DIAPH3: variants seen among roughly 807,000 people sequenced by gnomAD.
The protein encoded by DIAPH3 is diaphanous related formin 3.
In DIAPH3, 117 loss-of-function variants were observed where a neutral mutation model predicts 144.3. The ratio of observed to expected loss-of-function variants is 0.81; its 90% CI spans 0.70 to 0.95. The LOEUF is 0.95. Among genes scored for constraint, DIAPH3 ranks in the 40% least tolerant of loss-of-function variants. The pLI, the probability that DIAPH3 is intolerant of heterozygous loss-of-function variation, is 0.00. For synonymous variants in DIAPH3, 519 were observed against 488.9 expected, an observed-to-expected ratio of 1.06 and a Z score of -0.81; for missense variants, 1,421 against 1,412.7, an observed-to-expected ratio of 1.01 and a Z score of -0.09.
intron 20 of DIAPH3, among the ~76,000 whole-genome samples, chr13:59,905,292 G>A (rs1374583737): frequency 2.3e-5 from 3 of 129,604 alleles, no homozygotes; most frequent in Admixed American, 9.3e-5. Context: ...GCAGTGAGTT[G>A]AGATCGCGCC....
At chr13:59,742,608 AAAG>A (rs1345939570) in intron 27 of DIAPH3, among the ~76,000 whole-genome samples, 2 of 152,112 alleles carry the variant, frequency 1.3e-5, no homozygotes, top group South Asian at 2.1e-4. Context: ...AAAAGAAAGA[AAAG>A]AAGAAAAGAG....
At chr13:59,972,148 T>G (rs565477500) in intron 15 of DIAPH3, among the ~76,000 whole-genome samples, 1 of 152,182 alleles carries the variant, frequency 6.6e-6, no homozygotes, top group South Asian at 2.1e-4. Context: ...GATAAATGCA[T>G]GAAAGACAAG....
In DIAPH3 at chr13:59,879,355, G is replaced by C; in HGVS notation, c.2481C>G (p.Cys827Trp). 6.2e-7 allele frequency: 1 copy of C among 1,613,736 alleles called. No individual in the cohort carries two copies. The highest frequency in any genetic ancestry group is 1.7e-5 in the Admixed American group (1 of 59,964). ...KPDIMAVSTA[C>W]EEIKKSKSFS... ...AGCTTTTGCTCTTCTTTATCTCTTC[G>C]CAGGCAGTACTGACAGCCATGATGT... Residue 827 changes from cysteine (C) to tryptophan (W), a missense_variant, in exon 21 of 28, where the codon TGC (cysteine) becomes TGG (tryptophan). Physicochemically the swap from Cys to Trp is radical, Grantham distance 215. Transcript: ENST00000400324.
Position 59,902,925 on chromosome 13 carries a change from A to G in DIAPH3, c.2367+8810T>C, listed in dbSNP as rs559044682. On this transcript the variant is annotated intron_variant, in intron 20 of 27. Transcript: ENST00000400324. ...AACCAATGTTCTCACTGTGTAATGA[A>G]AGATTTCCAGACAAGATTACCAAAT... Among the ~76,000 whole-genome samples the G allele has an allele frequency of 1.1e-4, 16 of 152,342 alleles. 1 individual carries two copies. The South Asian group carries it at 3.1e-3, about 30-fold the overall frequency.
intron 22 of DIAPH3, among the ~76,000 whole-genome samples, chr13:59,840,968 C>A (rs934002496): frequency 3.4e-5 from 5 of 148,142 alleles, no homozygotes; most frequent in Non-Finnish European, 7.5e-5. Flanking sequence ...TATTCCAATA[C>A]CTTGCTGTGC....
At chr13:60,161,895 G>A (rs1952312582) in intron 1 of DIAPH3, among the ~76,000 whole-genome samples, 1 of 152,106 alleles carries the variant, frequency 6.6e-6, no homozygotes, top group Non-Finnish European at 1.5e-5. Context: ...CAGAAAAGTA[G>A]CAGATTAGAC....
At chr13:59,717,341 A>G (rs1242749034) in intron 27 of DIAPH3, among the ~76,000 whole-genome samples, 1 of 152,194 alleles carries the variant, frequency 6.6e-6, no homozygotes, top group Non-Finnish European at 1.5e-5. Context: ...TCAGGGGCCT[A>G]CTTGACAGTG....
At chr13:59,719,096 A>C (rs35458229) in intron 27 of DIAPH3, among the ~76,000 whole-genome samples, 21 of 152,324 alleles carry the variant, frequency 1.4e-4, no homozygotes, top group East Asian at 3.9e-4. Context: ...TAGCAAAAAA[A>C]CAAAACAAAA....
chr13:59,815,444 C>T (rs1265788130), intron 24 of DIAPH3, among the ~76,000 whole-genome samples: 1 of 152,054 alleles, frequency 6.6e-6, no homozygotes, highest in African/African-American at 2.4e-5. Context: ...CTGTGAACAG[C>T]ATGTGGCTTT....
At chr13:59,712,042 T>C (rs1387700234) in intron 27 of DIAPH3, among the ~76,000 whole-genome samples, 1 of 151,988 alleles carries the variant, frequency 6.6e-6, no homozygotes, top group East Asian at 1.9e-4. Flanking sequence ...AGGTTACAAA[T>C]AGAATAGGAC....
intron 27 of DIAPH3, among the ~76,000 whole-genome samples, chr13:59,729,412 T>G (rs912786412): frequency 3.3e-5 from 5 of 152,086 alleles, no homozygotes; most frequent in Non-Finnish European, 5.9e-5. Context: ...TTAAATAGAT[T>G]AGAAAGATAC....
chr13:59,714,831 A>C (rs934169383), intron 27 of DIAPH3, among the ~76,000 whole-genome samples: 1 of 152,080 alleles, frequency 6.6e-6, no homozygotes, highest in African/African-American at 2.4e-5. Flanking sequence ...GAGAGTGTGC[A>C]ACTTCATTTT....
intron 18 of DIAPH3, among the ~76,000 whole-genome samples, chr13:59,919,141 AAATG>A (rs1455552567): frequency 1.3e-5 from 2 of 152,034 alleles, no homozygotes; most frequent in Non-Finnish European, 2.9e-5. Flanking sequence ...AGAATAAGAA[AAATG>A]AATGAAAAGG....
At chr13:60,133,140 ATC>A in intron 1 of DIAPH3, 151 bp from the exon 2 acceptor site, 1 of 588,542 alleles carries the variant, frequency 1.7e-6, no homozygotes, top group Non-Finnish European at 3.0e-6. Flanking sequence ...AATCGTTTTA[ATC>A]TCTTTCTCAA....
chr13:59,700,859 T>G (rs1277825676), intron 27 of DIAPH3, among the ~76,000 whole-genome samples: 1 of 152,354 alleles, frequency 6.6e-6, no homozygotes, highest in East Asian at 1.9e-4. Flanking sequence ...ATTTTAGTAC[T>G]TCTGGCATTC....
chr13:59,819,940 A>G (rs2040973668), intron 24 of DIAPH3, among the ~76,000 whole-genome samples: 1 of 151,944 alleles, frequency 6.6e-6, no homozygotes, highest in Non-Finnish European at 1.5e-5. Context: ...CTGCAATACA[A>G]GGATATTTTA....
intron 27 of DIAPH3, among the ~76,000 whole-genome samples, chr13:59,745,754 T>G (rs2036670491): frequency 6.6e-6 from 1 of 152,202 alleles, no homozygotes. Flanking sequence ...ACTAGCAAAC[T>G]GATTTAAAAA....
Position 59,812,325 on chromosome 13 carries a change from C to T in DIAPH3, c.3028-1402G>A, listed in dbSNP as rs148659419. 3.1e-3 allele frequency among the ~76,000 whole-genome samples: 473 copies of T among 151,838 alleles called. 4 individuals are homozygous for T. Among genetic ancestry groups the T allele is most frequent in the African/African-American group, 0.011 (455 of 41,382 alleles). ...CCATCTATCCATCGATCCATCCATCCTTCCATCTATCCAATTAATACTTAC... is the reference window on the plus strand; with the variant it reads ...CCATCTATCCATCGATCCATCCATCTTTCCATCTATCCAATTAATACTTAC... On this transcript the variant is annotated intron_variant, in intron 24 of 27. Coordinates refer to ENST00000400324, the MANE Select transcript of DIAPH3 (RefSeq NM_001042517.2).
At chr13:59,736,824 C>T (rs1415764899) in intron 27 of DIAPH3, among the ~76,000 whole-genome samples, 1 of 151,896 alleles carries the variant, frequency 6.6e-6, no homozygotes, top group Non-Finnish European at 1.5e-5. Flanking sequence ...CGGACTGAAG[C>T]AACAGGATAG....
Sources: allele counts gnomAD v4.1 joint callset (sites outside exome capture counted in the v4.1 genomes callset), GRCh38; gene constraint gnomAD v4.1.1; transcripts MANE v1.5; gene names NCBI Gene and HGNC (gene_info 2026-07-23, HGNC 2026-07-21).